Variants in KIRREL3 observed in about 807,000 individuals in gnomAD.
KIRREL3 encodes the protein kin of IRRE-like protein 3.
Under a neutral mutation model 89.7 loss-of-function variants are expected in KIRREL3, and 36 were observed. The observed-to-expected ratio is 0.40, with a 90% CI of 0.31 to 0.53. The LOEUF is 0.53. KIRREL3 is among the 20% of genes least tolerant of loss of function. KIRREL3 has a pLI of 0.49. For missense variants in KIRREL3, 864 were observed against 1,056.6 expected (o/e 0.82, Z 2.53); for synonymous variants, 445 against 441.4 (o/e 1.01, Z -0.10).
At chr11:126,542,287 GAC>G (rs1938430913) in intron 2 of KIRREL3, among the ~76,000 whole-genome samples, 1 of 144,346 alleles carries the variant, frequency 6.9e-6, no homozygotes, top group East Asian at 1.9e-4. Flanking sequence ...TTCCCAACTG[GAC>G]ACAGACCATC....
chr11:126,744,696 A>T lies in KIRREL3; in HGVS notation c.56-181784T>A, dbSNP rs145989722. Among the ~76,000 whole-genome samples the T allele has an allele frequency of 5.8e-3, 880 of 152,268 alleles. 11 individuals are homozygous for T. Among genetic ancestry groups the T allele is most frequent in the African/African-American group, 0.019 (805 of 41,544 alleles). On this transcript the variant is annotated intron_variant, in intron 1 of 16. Coordinates refer to ENST00000525144, the MANE Select transcript of KIRREL3 (RefSeq NM_032531.4). This position sits in a 1 kb window ranked among gnomAD's most constrained non-coding sequence, Gnocchi z 4.7. ...GGTGCTGGCAATAGTGTCTCGTGGA[A>T]ACTAAGGACCCGATGAACAGTACTC... is the stretch of plus-strand genomic sequence containing the variant.
chr11:126,979,370 G>C (rs764319034), intron 1 of KIRREL3, among the ~76,000 whole-genome samples: 16 of 152,156 alleles, frequency 1.1e-4, no homozygotes, highest in Non-Finnish European at 2.4e-4. Context: ...TAGGCCTTAA[G>C]AACAACATTA....
intron 1 of KIRREL3, among the ~76,000 whole-genome samples, chr11:126,567,478 G>T (rs1940598550): frequency 6.6e-6 from 1 of 152,208 alleles, no homozygotes; most frequent in East Asian, 1.9e-4. Flanking sequence ...GTGGTACTTT[G>T]TAACAGCAGC....
At chr11:126,928,370 G>T (rs1947806755) in intron 1 of KIRREL3, among the ~76,000 whole-genome samples, 1 of 152,202 alleles carries the variant, frequency 6.6e-6, no homozygotes, top group African/African-American at 2.4e-5. Context: ...GATGTCCTTG[G>T]GCCTTGAAAT....
chr11:126,726,746 C>T (rs556030351), intron 1 of KIRREL3, among the ~76,000 whole-genome samples: 1 of 152,290 alleles, frequency 6.6e-6, no homozygotes, highest in South Asian at 2.1e-4. Context: ...TATCATTTCC[C>T]TTCTCCTAGC....
At chr11:126,478,460 GA>G (rs879601274) in intron 4 of KIRREL3, among the ~76,000 whole-genome samples, 5 of 152,200 alleles carry the variant, frequency 3.3e-5, no homozygotes, top group Non-Finnish European at 7.3e-5. Flanking sequence ...GGGCCGGGGG[GA>G]CGGTTATCAT....
chr11:126,603,685 C>A (rs1942762126), intron 1 of KIRREL3, among the ~76,000 whole-genome samples: 1 of 152,264 alleles, frequency 6.6e-6, no homozygotes. Flanking sequence ...CACATGGCTG[C>A]ATGTTTCTCT....
At chr11:126,825,463 C>T (rs1189710874) in intron 1 of KIRREL3, among the ~76,000 whole-genome samples, 1 of 152,066 alleles carries the variant, frequency 6.6e-6, no homozygotes, top group Non-Finnish European at 1.5e-5. Flanking sequence ...TGAGATCTAG[C>T]AAAGGTTTAA....
intron 1 of KIRREL3, among the ~76,000 whole-genome samples, chr11:126,741,857 T>C (rs1187805113): frequency 1.3e-5 from 2 of 152,204 alleles, no homozygotes; most frequent in African/African-American, 4.8e-5. Flanking sequence ...ATGAAGAAAC[T>C]GAAGCCTAGG....
chr11:126,672,010 C>T (rs900166516), intron 1 of KIRREL3, among the ~76,000 whole-genome samples: 1 of 152,206 alleles, frequency 6.6e-6, no homozygotes, highest in African/African-American at 2.4e-5. Context: ...ATCATCAAAA[C>T]TGGAAGCAAC....
At chr11:126,674,257 T>C (rs1018993032) in intron 1 of KIRREL3, among the ~76,000 whole-genome samples, 1 of 152,232 alleles carries the variant, frequency 6.6e-6, no homozygotes, top group Non-Finnish European at 1.5e-5. Flanking sequence ...TCATCTCCAA[T>C]TTATGTCACA....
At position 126,764,769 on chromosome 11, in the gene KIRREL3, C is replaced by G. The variant is rs145119109; in HGVS notation, c.56-201857G>C. ...AGCTTCTTAGGGCCTGTGCTGTAAG[C>G]CTCCGGGGCCATATAAACGCGGCTA... On this transcript the variant is annotated intron_variant, in intron 1 of 16. Transcript: ENST00000525144. The surrounding 1 kb of genome is among the most constrained non-coding windows in gnomAD (Gnocchi z 4.2). Among the ~76,000 whole-genome samples the G allele has an allele frequency of 6.6e-6, 1 of 152,244 alleles. No homozygotes were observed. The highest frequency in any genetic ancestry group is 2.4e-5 in the African/African-American group (1 of 41,538).
At chr11:126,457,030 A>G (rs1454470828) in intron 6 of KIRREL3, among the ~76,000 whole-genome samples, 1 of 152,008 alleles carries the variant, frequency 6.6e-6, no homozygotes, top group Non-Finnish European at 1.5e-5. Context: ...CTGAAGTGCT[A>G]AATGGTGGGA....
intron 1 of KIRREL3, among the ~76,000 whole-genome samples, chr11:126,826,113 G>A (rs544221299): frequency 2.0e-5 from 3 of 151,916 alleles, no homozygotes; most frequent in Admixed American, 1.3e-4. Context: ...ACCCCATTAC[G>A]CTTGCCCCCA....
chr11:126,556,709 G>A (rs1939733187), intron 2 of KIRREL3, among the ~76,000 whole-genome samples: 1 of 152,172 alleles, frequency 6.6e-6, no homozygotes, highest in South Asian at 2.1e-4. Context: ...CTCCTGGTAG[G>A]AGGTAGGAAA....
chr11:126,483,667 G>A (rs56899403), intron 4 of KIRREL3, among the ~76,000 whole-genome samples: 11,962 of 152,248 alleles, frequency 0.079, 1,559 homozygotes, highest in African/African-American at 0.27. Flanking sequence ...GGCCTTCCCC[G>A]GTTCTCTCCA....
chr11:126,468,173 G>A (rs1362622205), intron 5 of KIRREL3, among the ~76,000 whole-genome samples: 3 of 152,166 alleles, frequency 2.0e-5, no homozygotes, highest in Non-Finnish European at 2.9e-5. Flanking sequence ...CTCCTCTTCC[G>A]TAACCCATCC....
At chr11:126,846,684 CA>C (rs932157997) in intron 1 of KIRREL3, among the ~76,000 whole-genome samples, 101 of 131,236 alleles carry the variant, frequency 7.7e-4, no homozygotes, top group African/African-American at 2.7e-3. Context: ...AACAGACAAA[CA>C]AAAAAAAATT....
intron 1 of KIRREL3, among the ~76,000 whole-genome samples, chr11:126,880,487 A>C (rs2093174795): frequency 1.3e-5 from 2 of 152,228 alleles, no homozygotes; most frequent in African/African-American, 4.8e-5. Flanking sequence ...TTTAGATTCT[A>C]CTGCTAGGCA....
Sources: allele counts gnomAD v4.1 joint callset (sites outside exome capture counted in the v4.1 genomes callset), GRCh38; gene constraint gnomAD v4.1.1; non-coding constraint Gnocchi (gnomAD v3.1); transcripts MANE v1.5; gene names NCBI Gene and HGNC (gene_info 2026-07-23, HGNC 2026-07-21).